Variants in RGS7 observed in about 807,000 individuals in gnomAD.
RGS7 encodes regulator of G-protein signaling 7.
A neutral mutation model predicts 81.1 loss-of-function variants in RGS7; 27 were observed. That is an observed-to-expected ratio of 0.33 (90% CI 0.25 to 0.46). RGS7 has a LOEUF of 0.46. Ranked by LOEUF, RGS7 falls within the 20% of genes least tolerant of loss-of-function variation. The pLI is 1.00. For synonymous variants in RGS7, 208 were observed against 207.7 expected, an observed-to-expected ratio of 1.00 and a Z score of -0.01; for missense variants, 396 against 607.4, an observed-to-expected ratio of 0.65 and a Z score of 3.66.
intron 2 of RGS7, among the ~76,000 whole-genome samples, chr1:241,341,928 G>A (rs1012103782): frequency 1.3e-4 from 19 of 142,600 alleles, no homozygotes; most frequent in African/African-American, 4.5e-4. Context: ...AGGCTGGAGT[G>A]CAGTGGTGCA....
At chr1:240,967,732 G>T (rs1372976897) in intron 4 of RGS7, among the ~76,000 whole-genome samples, 1 of 152,156 alleles carries the variant, frequency 6.6e-6, no homozygotes, top group African/African-American at 2.4e-5. Context: ...GCCAGAGTGG[G>T]CTCAGGCCTT....
chr1:241,161,929 C>A (rs2069723898), intron 2 of RGS7, among the ~76,000 whole-genome samples: 1 of 152,010 alleles, frequency 6.6e-6, no homozygotes, highest in Non-Finnish European at 1.5e-5. Context: ...CTTGGTCAGG[C>A]TGGTCTCGAA....
intron 6 of RGS7, among the ~76,000 whole-genome samples, chr1:240,916,946 C>T (rs1672714925): frequency 6.6e-6 from 1 of 152,176 alleles, no homozygotes; most frequent in Non-Finnish European, 1.5e-5. Flanking sequence ...CAACCACAGA[C>T]ATATCACATT....
At chr1:240,889,102 G>A (rs774605360) in intron 6 of RGS7, among the ~76,000 whole-genome samples, 2 of 151,962 alleles carry the variant, frequency 1.3e-5, no homozygotes, top group Non-Finnish European at 2.9e-5. Flanking sequence ...GACTACAGGC[G>A]CCCGCCACCA....
At chr1:241,026,309 C>T (rs796186926) in intron 3 of RGS7, among the ~76,000 whole-genome samples, 6 of 152,160 alleles carry the variant, frequency 3.9e-5, no homozygotes, top group East Asian at 3.9e-4. Flanking sequence ...AATTTATTGC[C>T]GGGTGCGGTG....
At chr1:240,946,342 C>G (rs1163438286) in intron 4 of RGS7, among the ~76,000 whole-genome samples, 2 of 152,122 alleles carry the variant, frequency 1.3e-5, no homozygotes, top group Admixed American at 1.3e-4. Flanking sequence ...GTGGCTCACA[C>G]CTGTAATCCC....
At chr1:241,122,490 C>A (rs1366798351) in intron 2 of RGS7, among the ~76,000 whole-genome samples, 1 of 151,858 alleles carries the variant, frequency 6.6e-6, no homozygotes, top group African/African-American at 2.4e-5. Context: ...TGGTGAAACC[C>A]CATCTCTACT....
At chr1:241,308,506 T>C (rs1359207427) in intron 2 of RGS7, among the ~76,000 whole-genome samples, 1 of 152,138 alleles carries the variant, frequency 6.6e-6, no homozygotes, top group Non-Finnish European at 1.5e-5. Context: ...CAAACAGTCT[T>C]TTATCAGCTG....
chr1:240,778,779 G>A (rs891323909), intron 18 of RGS7, among the ~76,000 whole-genome samples: 10 of 152,124 alleles, frequency 6.6e-5, no homozygotes, highest in African/African-American at 1.4e-4. Context: ...TGATCCACCC[G>A]CCTTGGCCTC....
chr1:240,873,142 C>T (rs1166179339), intron 6 of RGS7, among the ~76,000 whole-genome samples: 1 of 152,166 alleles, frequency 6.6e-6, no homozygotes, highest in Admixed American at 6.5e-5. Context: ...GCTTTTGTGC[C>T]AATCCTAATT....
At chr1:241,064,234 T>C (rs1206185445) in intron 3 of RGS7, among the ~76,000 whole-genome samples, 1 of 150,958 alleles carries the variant, frequency 6.6e-6, no homozygotes, top group East Asian at 1.9e-4. Context: ...CTGTGCTTTT[T>C]GTAGGTCAGT....
intron 18 of RGS7, among the ~76,000 whole-genome samples, chr1:240,781,447 G>A (rs1407200360): frequency 6.6e-6 from 1 of 151,874 alleles, no homozygotes; most frequent in Non-Finnish European, 1.5e-5. Flanking sequence ...CTCTACTAAA[G>A]ATACAAAAAT....
At chr1:241,020,579 G>C (rs574140369) in intron 3 of RGS7, among the ~76,000 whole-genome samples, 1 of 151,996 alleles carries the variant, frequency 6.6e-6, no homozygotes, top group East Asian at 1.9e-4. Context: ...TTTCCAAATA[G>C]GTCACATTCA....
intron 2 of RGS7, among the ~76,000 whole-genome samples, chr1:241,336,107 CT>C (rs1209585326): frequency 6.6e-6 from 1 of 152,022 alleles, no homozygotes; most frequent in Non-Finnish European, 1.5e-5. Flanking sequence ...TCCCAGACCA[CT>C]TTTTCTACAT....
At chr1:241,040,759 G>T (rs1304805630) in intron 3 of RGS7, among the ~76,000 whole-genome samples, 1 of 152,082 alleles carries the variant, frequency 6.6e-6, no homozygotes, top group Non-Finnish European at 1.5e-5. Flanking sequence ...CAAGGTGCTG[G>T]GATTACAGGC....
intron 18 of RGS7, among the ~76,000 whole-genome samples, chr1:240,793,586 AATAT>A (rs777839011): frequency 6.8e-5 from 7 of 102,328 alleles, no homozygotes; most frequent in East Asian, 5.0e-4. Context: ...GTGTAGTAGG[AATAT>A]ATATATATAT....
At chr1:241,308,313 C>G (rs2080296751) in intron 2 of RGS7, among the ~76,000 whole-genome samples, 1 of 152,150 alleles carries the variant, frequency 6.6e-6, no homozygotes, top group Non-Finnish European at 1.5e-5. Context: ...TGGTATTTAG[C>G]CTAGAACCAC....
intron 4 of RGS7, among the ~76,000 whole-genome samples, chr1:240,953,739 A>G (rs933874721): frequency 2.0e-5 from 3 of 152,020 alleles, no homozygotes; most frequent in African/African-American, 7.2e-5. Flanking sequence ...AGAACAAAAG[A>G]AATAATAAAA....
intron 3 of RGS7, among the ~76,000 whole-genome samples, chr1:241,012,644 T>C (rs915280981): frequency 1.3e-5 from 2 of 152,152 alleles, no homozygotes; most frequent in African/African-American, 4.8e-5. Context: ...TATTTCAAGA[T>C]GGCTATTCCG....
Sources: allele counts gnomAD v4.1 joint callset (sites outside exome capture counted in the v4.1 genomes callset), GRCh38; gene constraint gnomAD v4.1.1; transcripts MANE v1.5; gene names NCBI Gene and HGNC (gene_info 2026-07-23, HGNC 2026-07-21).